CPLX2: variants seen among roughly 807,000 people sequenced by gnomAD.
CPLX2 encodes the protein complexin 2.
Under a neutral mutation model 16.3 loss-of-function variants are expected in CPLX2, and 5 were observed. That is an observed-to-expected ratio of 0.31 (90% CI 0.16 to 0.64). The LOEUF is 0.64. Ranked by LOEUF, CPLX2 falls within the 30% of genes least tolerant of loss-of-function variation. CPLX2 has a pLI of 0.79. For synonymous variants in CPLX2, 89 were observed against 73.2 expected (o/e 1.22, Z -1.10); for missense variants, 144 against 181.4 (o/e 0.79, Z 1.18).
intron 1 of CPLX2, among the ~76,000 whole-genome samples, chr5:175,799,539 CAT>C (rs70988299): frequency 0.069 from 4,976 of 71,874 alleles, 110 homozygotes; most frequent in Middle Eastern, 0.12. Context: ...TTGCAAATTT[CAT>C]ATATATATAT....
At chr5:175,796,734 C>T (rs982903395) in exon 1 of CPLX2, 5 of 152,418 alleles carry the variant, frequency 3.3e-5, no homozygotes, top group Admixed American at 3.3e-4. Flanking sequence ...CGCGCCAGAA[C>T]CTCGGCCCGG....
intron 2 of CPLX2, among the ~76,000 whole-genome samples, chr5:175,822,999 A>G (rs566481932): frequency 6.6e-6 from 1 of 152,392 alleles, no homozygotes; most frequent in Admixed American, 6.5e-5. Context: ...ACACAGGGAA[A>G]GGAACAGGCT....
chr5:175,825,048 G>C (rs1758586257), intron 2 of CPLX2, among the ~76,000 whole-genome samples: 1 of 152,158 alleles, frequency 6.6e-6, no homozygotes, highest in Admixed American at 6.5e-5. Context: ...TGGAGGATAA[G>C]AAAACAGGGT....
chr5:175,797,465 C>G (rs949669441), intron 1 of CPLX2, among the ~76,000 whole-genome samples: 1 of 152,150 alleles, frequency 6.6e-6, no homozygotes, highest in African/African-American at 2.4e-5. Context: ...GAGGTCCCGG[C>G]GGGGAGGAAG....
intron 2 of CPLX2, among the ~76,000 whole-genome samples, chr5:175,812,197 T>C (rs1331795333): frequency 6.6e-6 from 1 of 152,196 alleles, no homozygotes; most frequent in African/African-American, 2.4e-5. Context: ...GCAAGACCTA[T>C]AGCCTCACCA....
chr5:175,825,937 C>CAAAAAAAA lies in CPLX2; in HGVS notation c.-89+16884_-89+16891dup, dbSNP rs35250246. On this transcript the variant is annotated intron_variant, in intron 2 of 4. Coordinates refer to the CPLX2 transcript ENST00000359546. ...GGAAGTGGTTTTAAATGAATAAGTG[C>CAAAAAAAA]AAAAAAAAAAAAAAAAAAAAAAGCC... Among the ~76,000 whole-genome samples the CAAAAAAAA allele has an allele frequency of 5.0e-4, 22 of 44,402 alleles. 1 individual carries two copies. Among genetic ancestry groups the CAAAAAAAA allele is most frequent in the Non-Finnish European group, 6.6e-4 (17 of 25,938 alleles). 29.1% of individuals were successfully genotyped at this position (44,402 alleles called of 152,430 possible).
chr5:175,804,710 G>A lies in CPLX2; in HGVS notation c.-168-4279G>A, dbSNP rs965611231. 3.3e-5 allele frequency among the ~76,000 whole-genome samples: 5 copies of A among 152,218 alleles called. No individual in the cohort carries two copies. In the East Asian group the frequency reaches 7.7e-4, roughly 23 times the overall value. On this transcript the variant is annotated intron_variant, in intron 1 of 4. Coordinates refer to the CPLX2 transcript ENST00000359546. ...AACCTGTGTTTTAACAAGACCCCCCGGTGATTGACACACCCCGGTGATTGA... is the reference window on the plus strand; with the variant it reads ...AACCTGTGTTTTAACAAGACCCCCCAGTGATTGACACACCCCGGTGATTGA...
intron 1 of CPLX2, among the ~76,000 whole-genome samples, chr5:175,804,446 G>A (rs1030335518): frequency 3.9e-5 from 6 of 152,184 alleles, no homozygotes; most frequent in African/African-American, 1.2e-4. Context: ...TGTAGGATCA[G>A]ACCCACCCCT....
chr5:175,864,980 T>C (rs1759439670), intron 2 of CPLX2, among the ~76,000 whole-genome samples: 1 of 152,172 alleles, frequency 6.6e-6, no homozygotes, highest in Non-Finnish European at 1.5e-5. Context: ...CTGGGTTAGA[T>C]GACCAGAAAT....
intron 2 of CPLX2, among the ~76,000 whole-genome samples, chr5:175,829,796 C>G (rs560653381): frequency 6.6e-6 from 1 of 152,214 alleles, no homozygotes; most frequent in African/African-American, 2.4e-5. Flanking sequence ...GACACAAAGC[C>G]AGAGATGCGG....
intron 2 of CPLX2, among the ~76,000 whole-genome samples, chr5:175,816,237 G>A (rs1360290394): frequency 2.6e-5 from 4 of 151,864 alleles, no homozygotes; most frequent in Admixed American, 1.3e-4. Context: ...GTGCAATCTC[G>A]GCTCACTGCA....
intron 2 of CPLX2, among the ~76,000 whole-genome samples, chr5:175,823,835 C>T (rs1758557051): frequency 6.6e-6 from 1 of 152,190 alleles, no homozygotes; most frequent in African/African-American, 2.4e-5. Context: ...CCTCCCCCTC[C>T]TCAAACCACT....
At chr5:175,860,483 A>G (rs58821967) in intron 2 of CPLX2, among the ~76,000 whole-genome samples, 2 of 93,356 alleles carry the variant, frequency 2.1e-5, no homozygotes, top group South Asian at 6.9e-4. Flanking sequence ...AGAAAGAAGA[A>G]AGAAAGAAAG....
chr5:175,859,953 C>G (rs867777352), intron 2 of CPLX2, among the ~76,000 whole-genome samples: 15 of 152,216 alleles, frequency 9.9e-5, no homozygotes, highest in African/African-American at 3.6e-4. Context: ...GAGACAGAAA[C>G]CTAATTCAGA....
At chr5:175,827,496 T>C (rs1758639697) in intron 2 of CPLX2, among the ~76,000 whole-genome samples, 1 of 152,168 alleles carries the variant, frequency 6.6e-6, no homozygotes, top group African/African-American at 2.4e-5. Context: ...CCCTCACGCC[T>C]GTAATCCCAG....
chr5:175,839,555 G>T (rs749784382), intron 2 of CPLX2, among the ~76,000 whole-genome samples: 60 of 152,218 alleles, frequency 3.9e-4, no homozygotes, highest in Non-Finnish European at 7.3e-4. Context: ...AAAAGTGCTA[G>T]GATTACAGGC....
At chr5:175,859,199 T>A (rs1759317257) in intron 2 of CPLX2, among the ~76,000 whole-genome samples, 1 of 152,178 alleles carries the variant, frequency 6.6e-6, no homozygotes, top group Non-Finnish European at 1.5e-5. Flanking sequence ...GGAAAACATT[T>A]AAAACTTGAT....
intron 1 of CPLX2, among the ~76,000 whole-genome samples, chr5:175,798,892 A>G (rs1205369718): frequency 6.6e-6 from 1 of 152,160 alleles, no homozygotes; most frequent in African/African-American, 2.4e-5. Flanking sequence ...ACATCATTTC[A>G]TACAGAGGGA....
chr5:175,820,346 G>A (rs1161371651), intron 2 of CPLX2, among the ~76,000 whole-genome samples: 1 of 152,194 alleles, frequency 6.6e-6, no homozygotes, highest in Non-Finnish European at 1.5e-5. Flanking sequence ...GTGACTAGCG[G>A]GGCTCCGTGT....
Sources: gnomAD v4.1 joint callset for allele counts (sites outside exome capture counted in the v4.1 genomes callset) on GRCh38, gnomAD v4.1.1 for gene constraint, MANE v1.5 for transcripts, NCBI Gene and HGNC (gene_info 2026-07-23, HGNC 2026-07-21) for gene names.